ABTB3: variants seen among roughly 807,000 people sequenced by gnomAD.
ABTB3 encodes the protein ankyrin repeat- and BTB/POZ domain-containing protein 3.
chr12:107,469,910 CTTTCTTTCTT>C, the ABTB3 span, among the ~76,000 whole-genome samples: 4 of 106,206 alleles, frequency 3.8e-5, no homozygotes, highest in Middle Eastern at 5.1e-3. Context: ...TTCTTTCTTT[CTTTCTTTCTT>C]TCTCTCTCTC....
chr12:107,496,980 T>A, the ABTB3 span, among the ~76,000 whole-genome samples: 1 of 152,200 alleles, frequency 6.6e-6, no homozygotes, highest in East Asian at 1.9e-4. Flanking sequence ...GGTGTGAACT[T>A]AAGGTAGTAG....
At chr12:107,597,728 G>A in the ABTB3 span, among the ~76,000 whole-genome samples, 1 of 152,192 alleles carries the variant, frequency 6.6e-6, no homozygotes, top group African/African-American at 2.4e-5. Flanking sequence ...GAAGAGAGAT[G>A]GTATTTCTCT....
chr12:107,658,974 T>C, the ABTB3 span: 1 of 152,682 alleles, frequency 6.5e-6, no homozygotes, highest in Non-Finnish European at 1.5e-5. Flanking sequence ...TGCCATATAT[T>C]ATAAGCAAAA....
At chr12:107,359,034 A>G in the ABTB3 span, among the ~76,000 whole-genome samples, 2 of 152,250 alleles carry the variant, frequency 1.3e-5, no homozygotes, top group African/African-American at 4.8e-5. Flanking sequence ...TGCGGGCAGC[A>G]GCAGGTGTGG....
chr12:107,544,280 A>G, the ABTB3 span: 1 of 861,860 alleles, frequency 1.2e-6, no homozygotes, highest in Non-Finnish European at 1.8e-6. Context: ...GGAACCTTGC[A>G]CCCTGAGGGG....
the ABTB3 span, among the ~76,000 whole-genome samples, chr12:107,577,566 T>C: frequency 1.3e-5 from 2 of 152,062 alleles, no homozygotes; most frequent in Non-Finnish European, 2.9e-5. Flanking sequence ...CTTCCTGAGC[T>C]GACATGCTGG....
the ABTB3 span, among the ~76,000 whole-genome samples, chr12:107,624,265 T>C: frequency 1.3e-5 from 2 of 152,084 alleles, no homozygotes; most frequent in Admixed American, 6.5e-5. Context: ...TGTTTCTGTT[T>C]TTAAACTTTT....
chr12:107,362,546 A>G, the ABTB3 span, among the ~76,000 whole-genome samples: 1 of 152,228 alleles, frequency 6.6e-6, no homozygotes, highest in Non-Finnish European at 1.5e-5. Context: ...TAATCCCAGC[A>G]CTTTGGGAGG....
chr12:107,361,089 C>G, the ABTB3 span, among the ~76,000 whole-genome samples: 2 of 151,872 alleles, frequency 1.3e-5, no homozygotes, highest in Admixed American at 6.6e-5. Context: ...TGTACCTGGC[C>G]TCACCTGGCT....
the ABTB3 span, among the ~76,000 whole-genome samples, chr12:107,340,537 A>G: frequency 1.3e-5 from 2 of 152,136 alleles, no homozygotes; most frequent in East Asian, 1.9e-4. Flanking sequence ...ATAGGAAGAT[A>G]TTTGTGTTCA....
At chr12:107,395,781 C>A in the ABTB3 span, among the ~76,000 whole-genome samples, 2 of 152,212 alleles carry the variant, frequency 1.3e-5, no homozygotes, top group Admixed American at 6.5e-5. Context: ...CCTTCTGCCA[C>A]GCTCTGTCCC....
the ABTB3 span, among the ~76,000 whole-genome samples, chr12:107,368,157 C>T: frequency 6.6e-6 from 1 of 152,198 alleles, no homozygotes; most frequent in Non-Finnish European, 1.5e-5. Flanking sequence ...CTGCTTGGCT[C>T]CACTACATAT....
At chr12:107,393,941 C>CA in the ABTB3 span, among the ~76,000 whole-genome samples, 14 of 150,446 alleles carry the variant, frequency 9.3e-5, no homozygotes, top group Admixed American at 1.3e-4. Flanking sequence ...AAAACAAAAA[C>CA]AAAAAAAAAG....
the ABTB3 span, among the ~76,000 whole-genome samples, chr12:107,608,188 G>A: frequency 1.4e-4 from 21 of 152,234 alleles, no homozygotes; most frequent in East Asian, 4.1e-3. Context: ...CACGCCCTCT[G>A]CTCCATCCCA....
the ABTB3 span, among the ~76,000 whole-genome samples, chr12:107,557,646 T>A: frequency 0.1 from 15,828 of 152,298 alleles, 1,150 homozygotes; most frequent in East Asian, 0.24. Flanking sequence ...TAGTGAGAGA[T>A]AATATTCATC....
the ABTB3 span, among the ~76,000 whole-genome samples, chr12:107,586,415 C>T: frequency 6.6e-6 from 1 of 152,086 alleles, no homozygotes; most frequent in East Asian, 1.9e-4. Flanking sequence ...GAGTCAGAAA[C>T]TTCTCTCTCC....
At chr12:107,654,830 A>ACACACACACACACACACG in the ABTB3 span, among the ~76,000 whole-genome samples, 4 of 147,046 alleles carry the variant, frequency 2.7e-5, no homozygotes, top group South Asian at 2.1e-4. Context: ...ACACACACAC[A>ACACACACACACACACACG]CACACACACA....
At chr12:107,577,224 A>G in the ABTB3 span, among the ~76,000 whole-genome samples, 2 of 152,188 alleles carry the variant, frequency 1.3e-5, no homozygotes, top group Non-Finnish European at 2.9e-5. Flanking sequence ...TTAGCCTTTT[A>G]CAGAAAAGGT....
the ABTB3 span, chr12:107,651,549 G>C: frequency 1.3e-5 from 7 of 553,192 alleles, no homozygotes; most frequent in East Asian, 3.4e-5. Context: ...ATCATTTCCC[G>C]TCCCCTACCT....
Sources: gnomAD v4.1 joint callset for allele counts (sites outside exome capture counted in the v4.1 genomes callset) on GRCh38, gnomAD v4.1.1 for gene constraint, MANE v1.5 for transcripts, NCBI Gene and HGNC (gene_info 2026-07-23, HGNC 2026-07-21) for gene names.